KLHDC8A: variants seen among roughly 807,000 people sequenced by gnomAD.
KLHDC8A encodes kelch domain-containing protein 8A.
Under a neutral mutation model 33.1 loss-of-function variants are expected in KLHDC8A, and 21 were observed. The ratio of observed to expected loss-of-function variants is 0.64; its 90% CI spans 0.45 to 0.91. KLHDC8A has a LOEUF of 0.91. KLHDC8A is among the 40% of genes least tolerant of loss of function. The probability of loss-of-function intolerance (pLI) is 0.00; values close to 1 mark genes in which losing one functional copy is unlikely to be tolerated. For synonymous variants in KLHDC8A, 173 were observed against 193.5 expected (o/e 0.89, Z 0.88); for missense variants, 435 against 483.3 (o/e 0.90, Z 0.94).
rs1177430662 is a variant in KLHDC8A at position 205,343,636 on chromosome 1, G to A, written c.-32C>T. 1.9e-6 allele frequency: 3 copies of A among 1,539,232 alleles called. No individual in the cohort carries two copies. Among genetic ancestry groups the A allele is most frequent in the Non-Finnish European group, 1.8e-6 (2 of 1,142,030 alleles). ...CTTGGGGAGCGCCCGGGCGCCGGGA[G>A]AGGTGCGAGCGCGGGGGTCCACCGG... On this transcript the variant is annotated 5_prime_UTR_variant, in exon 2 of 6. Coordinates refer to ENST00000367155, the MANE Select transcript of KLHDC8A (RefSeq NM_018203.3).
chr1:205,346,050 C>T (rs1034529201), intron 1 of KLHDC8A, among the ~76,000 whole-genome samples: 3 of 152,206 alleles, frequency 2.0e-5, no homozygotes, highest in African/African-American at 4.8e-5. Flanking sequence ...CTCCATCCAA[C>T]GGGCCCATCT....
At chr1:205,338,735 A>T (rs987021106) in intron 4 of KLHDC8A, 139 bp from the exon 5 acceptor site, 4 of 657,402 alleles carry the variant, frequency 6.1e-6, no homozygotes, top group Non-Finnish European at 1.1e-5. Flanking sequence ...TGGGGAGTAC[A>T]CAGTTCCTCC....
intron 1 of KLHDC8A, among the ~76,000 whole-genome samples, chr1:205,355,683 T>C (rs916655948): frequency 6.6e-5 from 10 of 152,182 alleles, no homozygotes; most frequent in Non-Finnish European, 8.8e-5. Flanking sequence ...ATTATTGTCA[T>C]TGTACAAAGG....
chr1:205,343,392 C>G lies in KLHDC8A; in HGVS notation c.213G>C (p.Gly71=), dbSNP rs1245086271. 1 of 1,613,248 alleles carries G rather than the reference C, an allele frequency of 6.2e-7. No individual in the cohort carries two copies. The highest frequency in any genetic ancestry group is 1.3e-5 in the African/African-American group (1 of 74,940). ...GCTTCCCCAGGGCGGTGACGGCCAC[C>G]CCCGCCCGGGCTGTGGGCAGCCGGG... The part of the protein sequence containing the change: ...ALPRLPTARA[G]VAVTALGKRI... Residue 71 remains glycine, a synonymous_variant, in exon 2 of 6, where the codon GGG becomes GGC. Transcript: ENST00000367155.
chr1:205,355,426 T>TC (rs1464928536), intron 1 of KLHDC8A, among the ~76,000 whole-genome samples: 2 of 152,190 alleles, frequency 1.3e-5, no homozygotes, highest in African/African-American at 4.8e-5. Flanking sequence ...GAGTCATTTT[T>TC]CCCGTTTCTA....
intron 1 of KLHDC8A, among the ~76,000 whole-genome samples, chr1:205,354,173 G>A (rs1278645206): frequency 2.0e-5 from 3 of 152,334 alleles, no homozygotes; most frequent in African/African-American, 7.2e-5. Context: ...CCACAGACAA[G>A]CCAACAATAG....
At chr1:205,352,986 C>T (rs1226833261) in intron 1 of KLHDC8A, among the ~76,000 whole-genome samples, 2 of 152,232 alleles carry the variant, frequency 1.3e-5, no homozygotes, top group African/African-American at 4.8e-5. Flanking sequence ...CACTAGGGAT[C>T]CAGTGTGTCC....
At chr1:205,341,687 G>A (rs1307039368) in intron 2 of KLHDC8A, among the ~76,000 whole-genome samples, 1 of 150,848 alleles carries the variant, frequency 6.6e-6, no homozygotes, top group Non-Finnish European at 1.5e-5. Context: ...GTCTTGCTCT[G>A]TCACCCAGGC....
chr1:205,355,315 C>G (rs781448742), intron 1 of KLHDC8A, among the ~76,000 whole-genome samples: 2 of 152,312 alleles, frequency 1.3e-5, no homozygotes, highest in African/African-American at 4.8e-5. Flanking sequence ...TTTGTGCTTT[C>G]TGCTTCACAT....
rs1053423573 is a variant in KLHDC8A, at chr1:205,356,527, A to G, written c.-190+6T>C. ...CTCTGCATAGATGGATTGAAATAAA[A>G]CTTACCTGACTGGAGGGAAAAGGAT... On this transcript the variant is annotated splice_donor_region_variant and intron_variant, in intron 1 of 5. Transcript: ENST00000367155. 9 of 456,204 alleles carry G rather than the reference A, an allele frequency of 2.0e-5. No homozygotes were observed. The highest frequency in any genetic ancestry group is 1.8e-4 in the African/African-American group (9 of 50,086). The allele number at this position is 456,204 out of a possible 1,614,324, so 28.3% of individuals were successfully genotyped here.
intron 1 of KLHDC8A, 119 bp downstream of exon 1, chr1:205,356,414 T>C: frequency 2.4e-6 from 1 of 417,114 alleles, no homozygotes; most frequent in Non-Finnish European, 4.9e-6. Flanking sequence ...CTGACCCCCA[T>C]GCCAGCCTGT....
chr1:205,343,632 G>C lies in KLHDC8A; in HGVS notation c.-28C>G. 6.5e-7 allele frequency: 1 copy of C among 1,540,616 alleles called. No homozygotes were observed. The highest frequency in any genetic ancestry group is 8.8e-7 in the Non-Finnish European group (1 of 1,142,378). ...CAGCCTTGGGGAGCGCCCGGGCGCC[G>C]GGAGAGGTGCGAGCGCGGGGGTCCA... On this transcript the variant is annotated 5_prime_UTR_variant, in exon 2 of 6. Coordinates refer to ENST00000367155, the MANE Select transcript of KLHDC8A (RefSeq NM_018203.3).
Position 205,337,097 on chromosome 1 carries a change from GA to G in KLHDC8A, c.*301del. ...TGGAGATGGGGGTGGGGGGAGGTGG[GA>G]CTCACAGGAGGGAGAGGTAGGAAAT... On this transcript the variant is annotated 3_prime_UTR_variant, in exon 6 of 6. Transcript: ENST00000367155. The G allele has an allele frequency of 2.7e-6, 1 of 370,144 alleles. No homozygotes were observed. Among genetic ancestry groups the G allele is most frequent in the Non-Finnish European group, 5.0e-6 (1 of 200,202 alleles). The allele number at this position is 370,144 out of a possible 1,614,324, so 22.9% of individuals were successfully genotyped here.
At position 205,339,323 on chromosome 1, in the gene KLHDC8A, A is replaced by G; in HGVS notation, c.628T>C (p.Tyr210His). ...RSWTKFPNIP[Y>H]KRAFSSFVTL... Reference sequence around the variant, plus strand: ...ACAAAGCTGGAGAAGGCCCGCTTATAGGGAATGTTGGGAAACTTGGTCCAG... The same window carrying G: ...ACAAAGCTGGAGAAGGCCCGCTTATGGGGAATGTTGGGAAACTTGGTCCAG... Residue 210 changes from tyrosine to histidine, a missense_variant, in exon 4 of 6, where the codon TAT (tyrosine) becomes CAT (histidine). By Grantham distance (83) the Tyr-to-His change is moderately conservative. Coordinates refer to ENST00000367155, the MANE Select transcript of KLHDC8A (RefSeq NM_018203.3). The surrounding 1 kb of genome is among the most constrained non-coding windows in gnomAD (Gnocchi z 5.1). 6.2e-7 allele frequency: 1 copy of G among 1,614,206 alleles called. No homozygotes were observed. Among genetic ancestry groups the G allele is most frequent in the Non-Finnish European group, 8.5e-7 (1 of 1,180,024 alleles).
At chr1:205,347,648 G>C (rs1010480131) in intron 1 of KLHDC8A, among the ~76,000 whole-genome samples, 2 of 152,172 alleles carry the variant, frequency 1.3e-5, no homozygotes, top group Non-Finnish European at 2.9e-5. Flanking sequence ...CCAGGGGGTA[G>C]AGGCTTCAGT....
Position 205,339,434 on chromosome 1 carries a change from T to C in KLHDC8A, c.542-25A>G. ...CCTGGGGGCCAGAGCAGGATAGAGG[T>C]TGGGCAGAAGGGTTGTCCCTGAGGA... On this transcript the variant is annotated intron_variant, in intron 3 of 5. Coordinates refer to ENST00000367155, the MANE Select transcript of KLHDC8A (RefSeq NM_018203.3). This position sits in a 1 kb window ranked among gnomAD's most constrained non-coding sequence, Gnocchi z 5.1. 1.2e-6 allele frequency: 2 copies of C among 1,603,868 alleles called. No homozygotes were observed. Among genetic ancestry groups the C allele is most frequent in the Non-Finnish European group, 1.7e-6 (2 of 1,172,328 alleles).
intron 1 of KLHDC8A, among the ~76,000 whole-genome samples, chr1:205,345,350 ACC>A (rs1320437155): frequency 6.6e-6 from 1 of 152,208 alleles, no homozygotes. Context: ...AAGAAAAAAT[ACC>A]CTTTACCCAG....
chr1:205,346,820 T>G (rs1176348718), intron 1 of KLHDC8A, among the ~76,000 whole-genome samples: 2 of 152,210 alleles, frequency 1.3e-5, no homozygotes, highest in Non-Finnish European at 2.9e-5. Context: ...GCTTCTGGTC[T>G]TTATTCCACT....
chr1:205,351,110 T>G (rs4950993), intron 1 of KLHDC8A: 620,133 of 625,164 alleles, frequency 0.99, 307,716 homozygotes, highest in East Asian at 1. Context: ...GAGAGAAGGG[T>G]CCACTCCCCG....
Sources: gnomAD v4.1 joint callset for allele counts (sites outside exome capture counted in the v4.1 genomes callset) on GRCh38, gnomAD v4.1.1 for gene constraint, Gnocchi (gnomAD v3.1) non-coding constraint, MANE v1.5 for transcripts, NCBI Gene and HGNC (gene_info 2026-07-23, HGNC 2026-07-21) for gene names.